The following SEC23A variants were observed in gnomAD, a reference collection of about 807,000 sequenced individuals.
SEC23A encodes SEC23 homolog A, COPII component.
Under a neutral mutation model 103.7 loss-of-function variants are expected in SEC23A, and 56 were observed. That is an observed-to-expected ratio of 0.54 (90% CI 0.44 to 0.67). The LOEUF (loss-of-function observed/expected upper bound fraction) is 0.67. Among genes scored for constraint, SEC23A ranks in the 30% least tolerant of loss-of-function variants. The pLI is 0.00. For missense variants in SEC23A, 784 were observed against 936.4 expected (o/e 0.84, Z 2.12); for synonymous variants, 281 against 293.0 (o/e 0.96, Z 0.42).
chr14:39,097,319 G>A lies in SEC23A; in HGVS notation c.-21-1180C>T, dbSNP rs10142193. ...TGGAAGGAAGCTGAAGAATTTAAAGGTGTGGGAGGACAAAGACATTCAAGT... is the reference window on the plus strand; with the variant it reads ...TGGAAGGAAGCTGAAGAATTTAAAGATGTGGGAGGACAAAGACATTCAAGT... On this transcript the variant is annotated intron_variant, in intron 1 of 19. Coordinates refer to ENST00000307712, the MANE Select transcript of SEC23A (RefSeq NM_006364.4). Among the ~76,000 whole-genome samples the A allele has an allele frequency of 6.6e-3, 1,002 of 152,278 alleles. 16 individuals are homozygous for A. The highest frequency in any genetic ancestry group is 0.023 in the African/African-American group (939 of 41,554).
intron 16 of SEC23A, 61 bp from the exon 17 acceptor site, chr14:39,042,933 A>G (rs1259743938): frequency 1.0e-6 from 1 of 994,072 alleles, no homozygotes; most frequent in East Asian, 2.4e-5. Context: ...TCAATAATAT[A>G]AAATAGATGT....
At chr14:39,065,652 C>T (rs936477205) in intron 10 of SEC23A, among the ~76,000 whole-genome samples, 1 of 152,122 alleles carries the variant, frequency 6.6e-6, no homozygotes, top group African/African-American at 2.4e-5. Flanking sequence ...ACCTCTATGC[C>T]TCTCCTCACA....
At chr14:39,045,390 C>CA (rs1302140824) in intron 15 of SEC23A, 66 bp from the exon 16 acceptor site, 1 of 1,200,904 alleles carries the variant, frequency 8.3e-7, no homozygotes, top group Admixed American at 2.0e-5. Flanking sequence ...TTACTATTAG[C>CA]AAAAATATTT....
At chr14:39,038,499 T>C (rs974299687) in intron 19 of SEC23A, among the ~76,000 whole-genome samples, 4 of 152,206 alleles carry the variant, frequency 2.6e-5, no homozygotes, top group Non-Finnish European at 4.4e-5. Flanking sequence ...TGATATGTTA[T>C]ACCAAGAGGT....
chr14:39,100,937 G>A (rs1888069345), intron 1 of SEC23A, among the ~76,000 whole-genome samples: 1 of 151,402 alleles, frequency 6.6e-6, no homozygotes, highest in African/African-American at 2.4e-5. Context: ...TCCACCTCCC[G>A]GGTTCAGGCG....
At chr14:39,049,948 T>TGCTAATTTTTTG (rs2139202542) in intron 14 of SEC23A, among the ~76,000 whole-genome samples, 1 of 152,072 alleles carries the variant, frequency 6.6e-6, no homozygotes, top group South Asian at 2.1e-4. Context: ...TTTTGTATTT[T>TGCTAATTTTTTG]TATTAGAGAC....
intron 1 of SEC23A, among the ~76,000 whole-genome samples, chr14:39,100,118 T>A (rs185918016): frequency 7.0e-4 from 106 of 152,318 alleles, no homozygotes; most frequent in African/African-American, 2.4e-3. Context: ...AACTCTCTTC[T>A]CTTCTTCACA....
intron 7 of SEC23A, among the ~76,000 whole-genome samples, chr14:39,076,512 C>A (rs1003182577): frequency 6.6e-6 from 1 of 151,150 alleles, no homozygotes; most frequent in Non-Finnish European, 1.5e-5. Context: ...AAGTGATCCT[C>A]CCACTTGAGC....
chr14:39,086,433 T>C (rs774984721), intron 6 of SEC23A, among the ~76,000 whole-genome samples: 14 of 151,862 alleles, frequency 9.2e-5, no homozygotes, highest in Non-Finnish European at 1.5e-4. Context: ...AGTCAGGAGA[T>C]TGGGATGGTG....
chr14:39,100,051 T>C (rs1417303440), intron 1 of SEC23A, among the ~76,000 whole-genome samples: 1 of 152,194 alleles, frequency 6.6e-6, no homozygotes, highest in Non-Finnish European at 1.5e-5. Context: ...ATTGTATCTC[T>C]ACATTCTTAC....
In SEC23A at chr14:39,085,689, TACACACACAC is replaced by T. The variant is rs59136053; in HGVS notation, c.828+63_828+72del. 2.9e-3 allele frequency: 3,430 copies of T among 1,195,874 alleles called. 15 individuals carry two copies. The highest frequency in any genetic ancestry group is 0.016 in the African/African-American group (952 of 58,946). The allele number at this position is 1,195,874 out of a possible 1,614,324, so 74.1% of individuals were successfully genotyped here. On this transcript the variant is annotated intron_variant, in intron 7 of 19. Transcript: ENST00000307712. Reference sequence around the variant, plus strand: ...TTCTTCTTATCCTTATAATTATATATACACACACACACACACACACACACACACACACACA... The same window carrying T: ...TTCTTCTTATCCTTATAATTATATATACACACACACACACACACACACACA...
chr14:39,083,153 G>C (rs75507761), intron 7 of SEC23A, among the ~76,000 whole-genome samples: 2,216 of 152,276 alleles, frequency 0.015, 62 homozygotes, highest in African/African-American at 0.05. Context: ...ACTTAATCTT[G>C]TGAAAGGAAA....
chr14:39,039,653 C>T (rs1885570354), intron 18 of SEC23A: 1 of 153,484 alleles, frequency 6.5e-6, no homozygotes, highest in South Asian at 2.0e-4. Context: ...AGATTTTTAA[C>T]TCATAATGGA....
rs564966483 is a variant in SEC23A at position 39,073,748 on chromosome 14, T to A, written c.1103+667A>T. Reference sequence around the variant, plus strand: ...CCTCAGCCTACCGAGTAGCTGGGATTACAGGTGCCTGCCACCACGCCCACC... The same window carrying A: ...CCTCAGCCTACCGAGTAGCTGGGATAACAGGTGCCTGCCACCACGCCCACC... On this transcript the variant is annotated intron_variant, in intron 9 of 19. Transcript: ENST00000307712. 2.0e-5 allele frequency among the ~76,000 whole-genome samples: 3 copies of A among 151,346 alleles called. No homozygotes were observed. The East Asian group carries it at 5.8e-4, about 29-fold the overall frequency.
At chr14:39,094,879 G>A in intron 2 of SEC23A, 1 of 636,594 alleles carries the variant, frequency 1.6e-6, no homozygotes, top group Non-Finnish European at 2.8e-6. Context: ...TATATACAGA[G>A]GCTAGATCAT....
At position 39,094,395 on chromosome 14, in the gene SEC23A, CACATATATATATATATATATATATAT is replaced by C. The variant is rs1566514884; in HGVS notation, c.222-1177_222-1152del. 3.8e-3 allele frequency among the ~76,000 whole-genome samples: 42 copies of C among 11,114 alleles called. 2 individuals carry two copies. Among genetic ancestry groups the C allele is most frequent in the Non-Finnish European group, 9.3e-3 (40 of 4,280 alleles). 7.3% of individuals were successfully genotyped at this position (11,114 alleles called of 152,430 possible). A position where few individuals can be genotyped will look rare whatever the true frequency, so the allele number is the denominator to read the frequency against. On this transcript the variant is annotated intron_variant, in intron 2 of 19. Coordinates refer to ENST00000307712, the MANE Select transcript of SEC23A (RefSeq NM_006364.4). ...ATATACACACACACACACACACACA[CACATATATATATATATATATATATAT>C]ATATATATATATATATATATATTTT...
intron 3 of SEC23A, 45 bp downstream of exon 3, chr14:39,093,142 C>T (rs1166756972): frequency 2.6e-6 from 4 of 1,538,242 alleles, no homozygotes; most frequent in East Asian, 2.3e-5. Flanking sequence ...GCTGGGATTA[C>T]AGGCATGAGC....
intron 10 of SEC23A, among the ~76,000 whole-genome samples, chr14:39,065,651 C>CCT (rs1886633731): frequency 6.6e-6 from 1 of 152,120 alleles, no homozygotes; most frequent in Non-Finnish European, 1.5e-5. Context: ...CACCTCTATG[C>CCT]CTCTCCTCAC....
chr14:39,092,494 A>G (rs749541162), intron 4 of SEC23A, 47 bp downstream of exon 4: 13 of 1,026,914 alleles, frequency 1.3e-5, no homozygotes, highest in Admixed American at 1.1e-4. Context: ...CAATTCTTTC[A>G]GTATAAATTT....
Sources: gnomAD v4.1 joint callset for allele counts (sites outside exome capture counted in the v4.1 genomes callset) on GRCh38, gnomAD v4.1.1 for gene constraint, MANE v1.5 for transcripts, NCBI Gene and HGNC (gene_info 2026-07-23, HGNC 2026-07-21) for gene names.